HYDIN: variants seen among roughly 807,000 people sequenced by gnomAD.
HYDIN encodes axonemal central pair apparatus protein HYDIN.
HYDIN carries 132 observed loss-of-function variants against 403.9 expected under a neutral mutation model. The observed-to-expected ratio is 0.33, with a 90% CI of 0.28 to 0.38. The LOEUF is 0.38. HYDIN is among the 10% of genes least tolerant of loss of function. The pLI is 1.00. For synonymous variants in HYDIN, 1,202 were observed against 1,891.7 expected (o/e 0.64, Z 9.46); for missense variants, 2,827 against 5,009.5 (o/e 0.56, Z 13.15).
chr16:70,994,081 T>TG (rs2079446343), intron 23 of HYDIN, among the ~76,000 whole-genome samples: 1 of 152,240 alleles, frequency 6.6e-6, no homozygotes, highest in Non-Finnish European at 1.5e-5. Flanking sequence ...GTGAAGGCTC[T>TG]GAGCTGAGCT....
chr16:70,858,048 T>C (rs1271862857), intron 71 of HYDIN, among the ~76,000 whole-genome samples, 178 bp from the exon 72 acceptor site: 1 of 152,202 alleles, frequency 6.6e-6, no homozygotes. Context: ...TCAATGTCTA[T>C]CTGACCTGCC....
intron 10 of HYDIN, among the ~76,000 whole-genome samples, chr16:71,102,525 A>ATTTGC (rs1252638309): frequency 2.6e-5 from 4 of 151,270 alleles, no homozygotes; most frequent in African/African-American, 4.9e-5. Context: ...TCATTATCTA[A>ATTTGC]ATGAAAACAA....
chr16:71,223,865 T>C (rs896676305), intron 1 of HYDIN, among the ~76,000 whole-genome samples: 1 of 152,198 alleles, frequency 6.6e-6, no homozygotes, highest in African/African-American at 2.4e-5. Context: ...GGAATACTTC[T>C]ACACTATTGG....
chr16:71,032,616 C>T (rs2071484237), intron 18 of HYDIN, among the ~76,000 whole-genome samples: 1 of 125,484 alleles, frequency 8.0e-6, no homozygotes, highest in African/African-American at 2.9e-5. Context: ...CACACCTAGG[C>T]TATACGGTAT....
rs777821356 is a variant in HYDIN at position 70,862,131 on chromosome 16, G to A, written c.11694C>T (p.Ile3898=). 3 of 1,611,892 alleles carry A rather than the reference G, an allele frequency of 1.9e-6. No individual in the cohort carries two copies. The highest frequency in any genetic ancestry group is 3.3e-5 in the Admixed American group (2 of 59,724). ...ACTTCTGAATCTTCCCCACCGGCAC[G>A]ATTCCCGAAGAGGGCTCCACAGAGA... ...QPFSVEPSSG[I]VPVGKIQKFK... The change falls in exon 69 of 86, where the codon ATC becomes ATT. Residue 3898 remains isoleucine (I), a synonymous_variant. Coordinates refer to ENST00000393567, the MANE Select transcript of HYDIN (RefSeq NM_001270974.2).
chr16:70,818,885 G>C (rs1490791555), intron 83 of HYDIN, among the ~76,000 whole-genome samples: 2 of 152,142 alleles, frequency 1.3e-5, no homozygotes, highest in Non-Finnish European at 2.9e-5. Flanking sequence ...GAAAACAAGC[G>C]AGACCTTTGA....
At chr16:71,117,533 T>C (rs930104520) in intron 9 of HYDIN, among the ~76,000 whole-genome samples, 6 of 152,222 alleles carry the variant, frequency 3.9e-5, no homozygotes, top group South Asian at 2.1e-4. Context: ...GATGAAAGTA[T>C]TGAAAAGGGG....
At chr16:71,198,443 G>C (rs2087814391) in intron 1 of HYDIN, among the ~76,000 whole-genome samples, 1 of 152,098 alleles carries the variant, frequency 6.6e-6, no homozygotes, top group South Asian at 2.1e-4. Context: ...GACTGACTCT[G>C]TCCTCCCCCA....
chr16:70,944,374 C>T (rs1404032019), intron 41 of HYDIN, among the ~76,000 whole-genome samples: 2 of 152,134 alleles, frequency 1.3e-5, no homozygotes, highest in Non-Finnish European at 2.9e-5. Context: ...GTGATGAGTG[C>T]TAGGAAGGAA....
chr16:71,149,563 G>A (rs1006879641), intron 7 of HYDIN, among the ~76,000 whole-genome samples: 2 of 152,108 alleles, frequency 1.3e-5, no homozygotes, highest in Non-Finnish European at 2.9e-5. Flanking sequence ...GTCTTGCTCT[G>A]TTGCCCAGGC....
At chr16:71,196,182 A>G (rs1284463593) in intron 1 of HYDIN, among the ~76,000 whole-genome samples, 1 of 152,186 alleles carries the variant, frequency 6.6e-6, no homozygotes, top group Non-Finnish European at 1.5e-5. Flanking sequence ...GTGAAAGGCA[A>G]TTTTATGTGT....
intron 10 of HYDIN, among the ~76,000 whole-genome samples, chr16:71,096,351 T>G (rs195660): frequency 1.3e-5 from 2 of 148,988 alleles, no homozygotes; most frequent in Middle Eastern, 6.9e-3. Flanking sequence ...ATGGTTGCAT[T>G]TATCCTTTCA....
At chr16:71,120,051 A>AACCT (rs937519610) in intron 9 of HYDIN, among the ~76,000 whole-genome samples, 5 of 151,540 alleles carry the variant, frequency 3.3e-5, no homozygotes, top group African/African-American at 1.2e-4. Context: ...AGTTCTACAA[A>AACCT]ACCTGCCTCA....
intron 35 of HYDIN, 139 bp downstream of exon 35, chr16:70,973,204 G>A (rs373185464): frequency 3.3e-4 from 167 of 509,464 alleles, no homozygotes; most frequent in African/African-American, 2.8e-3. Context: ...TGAACCAGAA[G>A]TGCTTGAGAT....
chr16:70,929,556 TG>T (rs2077252076), intron 45 of HYDIN, among the ~76,000 whole-genome samples: 1 of 150,366 alleles, frequency 6.7e-6, no homozygotes, highest in African/African-American at 2.4e-5. Flanking sequence ...CTTCCTTTCC[TG>T]TCTCCCATTA....
intron 80 of HYDIN, 27 bp from the exon 81 acceptor site, chr16:70,829,857 C>T (rs1365965485): frequency 1.0e-5 from 16 of 1,603,672 alleles, no homozygotes; most frequent in Admixed American, 5.0e-5. Flanking sequence ...ACCTCATCTT[C>T]CATGGCACTT....
intron 4 of HYDIN, among the ~76,000 whole-genome samples, chr16:71,177,859 T>C (rs915794229): frequency 1.3e-5 from 2 of 152,194 alleles, no homozygotes; most frequent in African/African-American, 4.8e-5. Flanking sequence ...TTCAGGCATT[T>C]AATATCTTTT....
chr16:71,019,333 C>T (rs1164909063), intron 22 of HYDIN, among the ~76,000 whole-genome samples: 3 of 152,264 alleles, frequency 2.0e-5, no homozygotes, highest in Admixed American at 6.5e-5. Flanking sequence ...CTCATCTTTC[C>T]ACTGGGCTTA....
At chr16:70,838,288 T>C (rs2037578153) in intron 76 of HYDIN, among the ~76,000 whole-genome samples, 1 of 151,988 alleles carries the variant, frequency 6.6e-6, no homozygotes, top group African/African-American at 2.4e-5. Flanking sequence ...CCTCCCAGGT[T>C]CAAGCGATTC....
Sources: allele counts gnomAD v4.1 joint callset (sites outside exome capture counted in the v4.1 genomes callset), GRCh38; gene constraint gnomAD v4.1.1; transcripts MANE v1.5; gene names NCBI Gene and HGNC (gene_info 2026-07-23, HGNC 2026-07-21).